TSBP1: variants seen among roughly 807,000 people sequenced by gnomAD.
TSBP1 encodes the protein testis expressed basic protein 1.
In TSBP1, 56 loss-of-function variants were observed where a neutral mutation model predicts 68.8. The ratio of observed to expected loss-of-function variants is 0.81; its 90% CI spans 0.66 to 1.02. The LOEUF (loss-of-function observed/expected upper bound fraction) is 1.02. Ranked by LOEUF, TSBP1 falls within the 50% of genes least tolerant of loss-of-function variation. TSBP1 has a pLI of 0.00. For synonymous variants in TSBP1, 171 were observed against 208.7 expected, an observed-to-expected ratio of 0.82 and a Z score of 1.56; for missense variants, 502 against 641.2, an observed-to-expected ratio of 0.78 and a Z score of 2.34.
intron 21 of TSBP1, 116 bp from the exon 25 acceptor site, chr6:32,300,052 A>AGAAACAGG: frequency 2.6e-6 from 2 of 780,404 alleles, no homozygotes; most frequent in East Asian, 3.1e-5. Context: ...GGGAGCACAA[A>AGAAACAGG]ACTCTGTTTC....
At chr6:32,351,480 G>T (rs1331040124) in intron 8 of TSBP1, among the ~76,000 whole-genome samples, 1 of 152,038 alleles carries the variant, frequency 6.6e-6, no homozygotes, top group African/African-American at 2.4e-5. Flanking sequence ...TTTAAGATCC[G>T]GGGCTAACTT....
At chr6:32,350,956 A>G (rs1344114567) in intron 8 of TSBP1, among the ~76,000 whole-genome samples, 1 of 152,138 alleles carries the variant, frequency 6.6e-6, no homozygotes, top group Non-Finnish European at 1.5e-5. Flanking sequence ...AAGGAAACAG[A>G]TTTGTTCCTA....
intron 6 of TSBP1, among the ~76,000 whole-genome samples, chr6:32,362,081 G>T (rs930137311): frequency 6.6e-6 from 1 of 152,040 alleles, no homozygotes; most frequent in Non-Finnish European, 1.5e-5. Flanking sequence ...ACGAGGTCAG[G>T]AGATCAAGAC....
chr6:32,360,930 G>A (rs2127649552), intron 6 of TSBP1, among the ~76,000 whole-genome samples: 1 of 150,734 alleles, frequency 6.6e-6, no homozygotes, highest in East Asian at 1.9e-4. Flanking sequence ...TGCACAATGT[G>A]CAGGTTTGTT....
At chr6:32,308,848 C>T (rs894207175) in intron 19 of TSBP1, among the ~76,000 whole-genome samples, 1 of 151,842 alleles carries the variant, frequency 6.6e-6, no homozygotes, top group Non-Finnish European at 1.5e-5. Context: ...AGTTCATAAT[C>T]ATTAGCCTTG....
chr6:32,308,617 T>A (rs1195108458), intron 19 of TSBP1, among the ~76,000 whole-genome samples: 4,524 of 81,880 alleles, frequency 0.055, 286 homozygotes, highest in African/African-American at 0.16. Context: ...AAAAAAAAAA[T>A]TTTGCTTTTT....
Position 32,335,307 on chromosome 6 carries a change from TG to T in TSBP1, c.472+129del. On this transcript the variant is annotated intron_variant, in intron 14 of 22. Coordinates refer to ENST00000612031, the Ensembl canonical transcript of TSBP1. This position sits in a 1 kb window ranked among gnomAD's most constrained non-coding sequence, Gnocchi z 5.5. ...CCTGGATGAGTCCAATCTGGAGTAC[TG>T]GGTGAGATTATGAGGTGGCAGAAGG... The T allele has an allele frequency of 1.3e-6, 1 of 743,364 alleles. No homozygotes were observed. The highest frequency in any genetic ancestry group is 2.3e-5 in the South Asian group (1 of 42,758). 46.0% of individuals were successfully genotyped at this position (743,364 alleles called of 1,614,324 possible).
intron 16 of TSBP1, chr6:32,324,479 T>C (rs1472865340): frequency 1.2e-6 from 1 of 810,522 alleles, no homozygotes; most frequent in South Asian, 1.5e-5. Context: ...TGTAAATTGA[T>C]AGTCTTAAAA....
At chr6:32,354,979 T>C (rs1772119878) in intron 8 of TSBP1, 145 bp downstream of exon 8, 4 of 557,278 alleles carry the variant, frequency 7.2e-6, no homozygotes, top group Non-Finnish European at 1.3e-5. Flanking sequence ...TATTATCAAT[T>C]TGTCACATCT....
intron 18 of TSBP1, among the ~76,000 whole-genome samples, chr6:32,320,848 T>C (rs1767548474): frequency 6.6e-6 from 1 of 152,130 alleles, no homozygotes; most frequent in African/African-American, 2.4e-5. Flanking sequence ...CCCTCCACCC[T>C]CTGACAGGCC....
At chr6:32,300,056 CTG>C in intron 21 of TSBP1, 120 bp from the exon 25 acceptor site, 1 of 746,590 alleles carries the variant, frequency 1.3e-6, no homozygotes. Context: ...GCACAAAACT[CTG>C]TTTCATCCTC....
rs1765612100 is a variant in TSBP1 at position 32,304,673 on chromosome 6, C to T, written c.581-2044G>A. Among the ~76,000 whole-genome samples, 1 of 152,124 alleles carries T rather than the reference C, an allele frequency of 6.6e-6. No individual in the cohort carries two copies. The highest frequency in any genetic ancestry group is 6.5e-5 in the Admixed American group (1 of 15,274). On this transcript the variant is annotated intron_variant, in intron 19 of 22. Coordinates refer to ENST00000612031, the Ensembl canonical transcript of TSBP1. The surrounding 1 kb of genome is among the most constrained non-coding windows in gnomAD (Gnocchi z 4.8). ...CTAATTTATGTTCTCTCTTCATCGT[C>T]TTTTTTGTCTTTTCATGTTTTCTCT... is the stretch of plus-strand genomic sequence containing the variant.
chr6:32,358,925 A>G (rs1370542428), intron 6 of TSBP1, among the ~76,000 whole-genome samples: 1 of 150,674 alleles, frequency 6.6e-6, no homozygotes, highest in African/African-American at 2.5e-5. Flanking sequence ...TATTATTATT[A>G]TTATTATTAT....
At chr6:32,299,868 A>G in intron 22 of TSBP1, 54 bp downstream of exon 25, 2 of 1,458,070 alleles carry the variant, frequency 1.4e-6, no homozygotes, top group Non-Finnish European at 1.9e-6. Context: ...ACAGGTCACA[A>G]AAGAATTAAA....
At chr6:32,369,621 G>T (rs937310749) in intron 2 of TSBP1, among the ~76,000 whole-genome samples, 1 of 152,044 alleles carries the variant, frequency 6.6e-6, no homozygotes, top group Non-Finnish European at 1.5e-5. Flanking sequence ...CGCCCGCCTT[G>T]GCCTCCCAAA....
intron 21 of TSBP1, 116 bp from the exon 25 acceptor site, chr6:32,300,052 A>AGAAACAGGACTTGGAGGATGAAC: frequency 1.3e-6 from 1 of 780,408 alleles, no homozygotes; most frequent in Non-Finnish European, 2.2e-6. Context: ...GGGAGCACAA[A>AGAAACAGGACTTGGAGGATGAAC]ACTCTGTTTC....
intron 22 of TSBP1, among the ~76,000 whole-genome samples, chr6:32,298,456 G>GAGGCAGGA (rs1764933713): frequency 6.6e-6 from 1 of 152,086 alleles, no homozygotes; most frequent in African/African-American, 2.4e-5. Context: ...GCACATGCCT[G>GAGGCAGGA]TAATCCCAGC....
chr6:32,337,495 T>C lies in TSBP1; in HGVS notation c.410-860A>G, dbSNP rs1053647692. Among the ~76,000 whole-genome samples the C allele has an allele frequency of 6.6e-6, 1 of 152,204 alleles. No homozygotes were observed. Among genetic ancestry groups the C allele is most frequent in the Non-Finnish European group, 1.5e-5 (1 of 68,030 alleles). On this transcript the variant is annotated intron_variant, in intron 11 of 22. Coordinates refer to ENST00000612031, the Ensembl canonical transcript of TSBP1. The surrounding 1 kb of genome is among the most constrained non-coding windows in gnomAD (Gnocchi z 5.5). ...GAGACAGTGGGAATTGCTGTCTCTG[T>C]AGTGATTTTGGCCCTTATTCAACAG...
Position 32,304,737 on chromosome 6 carries a change from A to AT in TSBP1, c.581-2109dup, listed in dbSNP as rs1207177017. Among the ~76,000 whole-genome samples, 3 of 151,726 alleles carry AT rather than the reference A, an allele frequency of 2.0e-5. No individual in the cohort carries two copies. Among genetic ancestry groups the AT allele is most frequent in the Non-Finnish European group, 2.9e-5 (2 of 67,902 alleles). On this transcript the variant is annotated intron_variant, in intron 19 of 22. Coordinates refer to ENST00000612031, the Ensembl canonical transcript of TSBP1. The surrounding 1 kb of genome is among the most constrained non-coding windows in gnomAD (Gnocchi z 4.8). Reference sequence around the variant, plus strand: ...CTACCATTATACCAGCTCTCACTGTATTTTTTTTACAGTACAGAAAGTTTA... The same window carrying AT: ...CTACCATTATACCAGCTCTCACTGTATTTTTTTTTACAGTACAGAAAGTTTA...
Sources: gnomAD v4.1 joint callset for allele counts (sites outside exome capture counted in the v4.1 genomes callset) on GRCh38, gnomAD v4.1.1 for gene constraint, Gnocchi (gnomAD v3.1) non-coding constraint, MANE v1.5 for transcripts, NCBI Gene and HGNC (gene_info 2026-07-23, HGNC 2026-07-21) for gene names.